The following SLC25A26 variants were observed in gnomAD, a reference collection of about 807,000 sequenced individuals.
SLC25A26 encodes mitochondrial S-adenosylmethionine carrier protein.
Under a neutral mutation model 37.8 loss-of-function variants are expected in SLC25A26, and 36 were observed. That is an observed-to-expected ratio of 0.95 (90% CI 0.73 to 1.26). The LOEUF (loss-of-function observed/expected upper bound fraction) is 1.26. Ranked by LOEUF, SLC25A26 falls within the 50% of genes most tolerant of loss-of-function variation. The pLI is 0.00. For synonymous variants in SLC25A26, 129 were observed against 122.5 expected, an observed-to-expected ratio of 1.05 and a Z score of -0.35; for missense variants, 390 against 331.1, an observed-to-expected ratio of 1.18 and a Z score of -1.38.
chr3:66,258,822 CTT>C (rs1007285145), intron 3 of SLC25A26, among the ~76,000 whole-genome samples: 1 of 148,938 alleles, frequency 6.7e-6, no homozygotes, highest in African/African-American at 2.5e-5. Context: ...TCATCTCTCT[CTT>C]TTTTCTTCTC....
intron 6 of SLC25A26, among the ~76,000 whole-genome samples, chr3:66,348,369 C>T (rs775401610): frequency 2.0e-5 from 3 of 152,072 alleles, no homozygotes; most frequent in Non-Finnish European, 4.4e-5. Context: ...GTTATGCATG[C>T]GTGCACACAC....
At chr3:66,321,041 C>T (rs2075679781) in intron 5 of SLC25A26, among the ~76,000 whole-genome samples, 1 of 151,858 alleles carries the variant, frequency 6.6e-6, no homozygotes. Context: ...GGTGGAGGCC[C>T]CATGATGGGA....
chr3:66,339,706 G>C (rs548013317), intron 5 of SLC25A26, among the ~76,000 whole-genome samples: 1 of 151,606 alleles, frequency 6.6e-6, no homozygotes, highest in Non-Finnish European at 1.5e-5. Context: ...TAAATTCTTT[G>C]CTTTTTTAAA....
At chr3:66,278,523 T>C (rs2074231772) in intron 5 of SLC25A26, among the ~76,000 whole-genome samples, 4 of 152,162 alleles carry the variant, frequency 2.6e-5, no homozygotes, top group Admixed American at 2.0e-4. Context: ...TTTAAATGTC[T>C]GTTTTAAAAT....
At chr3:66,141,361 C>T (rs538593075) in intron 1 of SLC25A26, among the ~76,000 whole-genome samples, 46 of 151,906 alleles carry the variant, frequency 3.0e-4, no homozygotes, top group South Asian at 2.3e-3. Context: ...CAAGTAACTG[C>T]GACTACAGCC....
chr3:66,313,631 A>G (rs543591864), intron 5 of SLC25A26, among the ~76,000 whole-genome samples: 1 of 152,274 alleles, frequency 6.6e-6, no homozygotes, highest in South Asian at 2.1e-4. Context: ...ATGAATTTTA[A>G]AATAGTTTCT....
chr3:66,281,356 G>C (rs1456239829), intron 5 of SLC25A26, among the ~76,000 whole-genome samples: 1 of 152,166 alleles, frequency 6.6e-6, no homozygotes, highest in African/African-American at 2.4e-5. Flanking sequence ...AATATTTTGA[G>C]AACAAGTGAT....
chr3:66,138,322 A>G (rs574317669), intron 1 of SLC25A26, among the ~76,000 whole-genome samples: 18 of 152,046 alleles, frequency 1.2e-4, no homozygotes, highest in Non-Finnish European at 2.5e-4. Context: ...TCATCCCACA[A>G]ATCTCACCCC....
At position 66,209,892 on chromosome 3, in the gene SLC25A26, C is replaced by CATA. The variant is rs2071254603; in HGVS notation, c.-353-10850_-353-10849insATA. Among the ~76,000 whole-genome samples the CATA allele has an allele frequency of 3.6e-4, 9 of 24,694 alleles. 1 individual carries two copies. Among genetic ancestry groups the CATA allele is most frequent in the African/African-American group, 1.2e-3 (9 of 7,514 alleles). The allele number at this position is 24,694 out of a possible 152,430, so 16.2% of individuals were successfully genotyped here. A position where few individuals can be genotyped will look rare whatever the true frequency, so the allele number is the denominator to read the frequency against. ...TATATATATACTCCTCTCTCTCTCT[C>CATA]TCTATTTATATATATATATATATAT... On this transcript the variant is annotated intron_variant, in intron 1 of 10. Coordinates refer to the SLC25A26 transcript ENST00000676754.
At chr3:66,143,839 C>G (rs1357311189) in intron 1 of SLC25A26, among the ~76,000 whole-genome samples, 1 of 152,086 alleles carries the variant, frequency 6.6e-6, no homozygotes, top group African/African-American at 2.4e-5. Context: ...TGAGATCGTG[C>G]CAGTGCACTC....
chr3:66,303,193 A>T lies in SLC25A26; in HGVS notation c.453+39814A>T, dbSNP rs939728580. 3.9e-5 allele frequency among the ~76,000 whole-genome samples: 6 copies of T among 152,116 alleles called. No individual in the cohort carries two copies. The East Asian group carries it at 1.2e-3, about 29-fold the overall frequency. ...GAATCCTTTGAAATATTGGCTTTGT[A>T]CTCCACTTTTCTAAAGCATTCAGTA... On this transcript the variant is annotated intron_variant, in intron 5 of 9. Coordinates refer to ENST00000354883, the MANE Select transcript of SLC25A26 (RefSeq NM_001379210.1).
At chr3:66,168,194 T>C (rs1230403694) in intron 1 of SLC25A26, among the ~76,000 whole-genome samples, 3 of 119,350 alleles carry the variant, frequency 2.5e-5, no homozygotes, top group East Asian at 4.8e-4. Context: ...TGTATATATA[T>C]ATATATACAC....
chr3:66,232,497 T>C (rs1401355151), intron 1 of SLC25A26, among the ~76,000 whole-genome samples: 1 of 152,180 alleles, frequency 6.6e-6, no homozygotes, highest in African/African-American at 2.4e-5. Flanking sequence ...CAGATATAGA[T>C]CTTGTGGTTT....
chr3:66,283,874 CA>C (rs1434056483), intron 5 of SLC25A26, among the ~76,000 whole-genome samples: 1 of 152,122 alleles, frequency 6.6e-6, no homozygotes, highest in Non-Finnish European at 1.5e-5. Context: ...ATGGTATCTC[CA>C]TTTACTTTAA....
intron 5 of SLC25A26, among the ~76,000 whole-genome samples, chr3:66,287,280 A>G (rs1253443102): frequency 6.0e-5 from 9 of 149,572 alleles, no homozygotes; most frequent in Non-Finnish European, 1.0e-4. Context: ...TGGGCGACAG[A>G]GCGAGACTCC....
intron 1 of SLC25A26, among the ~76,000 whole-genome samples, chr3:66,169,650 G>A (rs1039233708): frequency 6.6e-6 from 1 of 152,130 alleles, no homozygotes; most frequent in East Asian, 1.9e-4. Flanking sequence ...TGTCACCAGT[G>A]CCTAGAAACA....
intron 6 of SLC25A26, among the ~76,000 whole-genome samples, chr3:66,353,510 A>G (rs192627379): frequency 2.0e-5 from 3 of 152,332 alleles, no homozygotes; most frequent in Non-Finnish European, 4.4e-5. Context: ...CGTTACATGT[A>G]ATTATGCACA....
chr3:66,296,497 A>G (rs2074906724), intron 5 of SLC25A26, among the ~76,000 whole-genome samples: 1 of 152,260 alleles, frequency 6.6e-6, no homozygotes, highest in Non-Finnish European at 1.5e-5. Flanking sequence ...TTGCTAAAAT[A>G]TATTGCTTAT....
At chr3:66,350,694 G>C (rs2076431083) in intron 6 of SLC25A26, among the ~76,000 whole-genome samples, 1 of 82,968 alleles carries the variant, frequency 1.2e-5, no homozygotes, top group South Asian at 3.3e-4. Context: ...CCTATACTCT[G>C]TGTGTGTGTG....
Sources: allele counts gnomAD v4.1 joint callset (sites outside exome capture counted in the v4.1 genomes callset), GRCh38; gene constraint gnomAD v4.1.1; transcripts MANE v1.5; gene names NCBI Gene and HGNC (gene_info 2026-07-23, HGNC 2026-07-21).